The following RHOBTB1 variants were observed in gnomAD, a reference collection of about 807,000 sequenced individuals.
RHOBTB1 encodes the protein rho-related BTB domain-containing protein 1.
Under a neutral mutation model 71.6 loss-of-function variants are expected in RHOBTB1, and 40 were observed. The ratio of observed to expected loss-of-function variants is 0.56; its 90% CI spans 0.43 to 0.73. RHOBTB1 has a LOEUF of 0.73. Among genes scored for constraint, RHOBTB1 ranks in the 30% least tolerant of loss-of-function variants. The probability of loss-of-function intolerance (pLI) is 0.00; values close to 1 mark genes in which losing one functional copy is unlikely to be tolerated. For missense variants in RHOBTB1, 797 were observed against 894.0 expected, an observed-to-expected ratio of 0.89 and a Z score of 1.38; for synonymous variants, 319 against 334.9, an observed-to-expected ratio of 0.95 and a Z score of 0.52.
At chr10:60,916,204 T>C (rs543094101) in intron 2 of RHOBTB1, among the ~76,000 whole-genome samples, 3 of 152,308 alleles carry the variant, frequency 2.0e-5, no homozygotes, top group Non-Finnish European at 4.4e-5. Context: ...GGCCCTGCAG[T>C]TCCACCTTCT....
chr10:60,883,994 C>T (rs143267970), intron 7 of RHOBTB1, among the ~76,000 whole-genome samples: 205 of 152,284 alleles, frequency 1.3e-3, no homozygotes, highest in African/African-American at 4.6e-3. Context: ...GAGAGATTTT[C>T]ATTAGTCACA....
chr10:60,894,555 G>A (rs1393010134), intron 4 of RHOBTB1, among the ~76,000 whole-genome samples: 1 of 152,188 alleles, frequency 6.6e-6, no homozygotes, highest in African/African-American at 2.4e-5. Context: ...ACAGTATCCA[G>A]TAAAGCCAAG....
chr10:60,907,556 G>A (rs2082740280), intron 4 of RHOBTB1, among the ~76,000 whole-genome samples: 1 of 152,206 alleles, frequency 6.6e-6, no homozygotes. Context: ...CCCCAGAGAA[G>A]AGAGGGTTGA....
chr10:60,955,298 C>T (rs544553300), intron 2 of RHOBTB1, among the ~76,000 whole-genome samples: 28 of 152,200 alleles, frequency 1.8e-4, no homozygotes, highest in African/African-American at 6.3e-4. Context: ...GCTTCGGCCT[C>T]CCAAAGTGCT....
chr10:60,925,453 T>C (rs2083814131), intron 2 of RHOBTB1, among the ~76,000 whole-genome samples: 2 of 152,194 alleles, frequency 1.3e-5, no homozygotes, highest in Non-Finnish European at 2.9e-5. Context: ...GGAAAGTTTA[T>C]TGCAATAAAT....
the RHOBTB1 span, among the ~76,000 whole-genome samples, chr10:60,862,119 TCTTCTCTCTCTC>T: frequency 6.6e-6 from 1 of 150,500 alleles, no homozygotes; most frequent in South Asian, 2.1e-4. Context: ...TTCCTCTCTT[TCTTCTCTCTCTC>T]CTTCTCTCTC....
At chr10:60,973,275 T>C (rs886299948) in intron 2 of RHOBTB1, among the ~76,000 whole-genome samples, 1 of 152,024 alleles carries the variant, frequency 6.6e-6, no homozygotes, top group Non-Finnish European at 1.5e-5. Flanking sequence ...TTGCAGAAAA[T>C]GAGATGTTAC....
chr10:60,950,222 A>G (rs1176206667), intron 2 of RHOBTB1, among the ~76,000 whole-genome samples: 2 of 152,240 alleles, frequency 1.3e-5, no homozygotes, highest in African/African-American at 4.8e-5. Context: ...GAAAAAGACA[A>G]CAATTTAATG....
At chr10:60,989,986 T>C (rs572751346) in intron 1 of RHOBTB1, among the ~76,000 whole-genome samples, 25 of 146,232 alleles carry the variant, frequency 1.7e-4, no homozygotes, top group African/African-American at 6.1e-4. Flanking sequence ...TCCTTTTTTT[T>C]TTTTTTTTTT....
chr10:60,927,794 A>T (rs924109238), intron 2 of RHOBTB1, among the ~76,000 whole-genome samples: 1 of 152,202 alleles, frequency 6.6e-6, no homozygotes, highest in Non-Finnish European at 1.5e-5. Flanking sequence ...ACTCTAGGAC[A>T]TTGGGCTGGA....
chr10:60,983,910 G>A (rs545009370), intron 2 of RHOBTB1, among the ~76,000 whole-genome samples: 1 of 152,244 alleles, frequency 6.6e-6, no homozygotes, highest in Non-Finnish European at 1.5e-5. Flanking sequence ...TCCCAGGTAG[G>A]ATAGCAATGA....
At chr10:60,970,367 C>T (rs2086112255) in intron 2 of RHOBTB1, among the ~76,000 whole-genome samples, 1 of 151,952 alleles carries the variant, frequency 6.6e-6, no homozygotes, top group South Asian at 2.1e-4. Flanking sequence ...CTCACTATTC[C>T]ACCCAGAAGT....
the RHOBTB1 span, among the ~76,000 whole-genome samples, chr10:60,863,272 A>G: frequency 6.6e-6 from 1 of 152,134 alleles, no homozygotes; most frequent in Non-Finnish European, 1.5e-5. Flanking sequence ...ATTTGGGGGG[A>G]GTACAAATAA....
intron 4 of RHOBTB1, among the ~76,000 whole-genome samples, chr10:60,905,449 CAAAAA>C (rs35538782): frequency 2.7e-4 from 13 of 48,972 alleles, no homozygotes; most frequent in African/African-American, 7.1e-4. Context: ...GACTCTTTCT[CAAAAA>C]AAAAAAAAAA....
intron 6 of RHOBTB1, 65 bp downstream of exon 6, chr10:60,888,147 G>GTTCT: frequency 6.5e-7 from 1 of 1,530,302 alleles, no homozygotes; most frequent in African/African-American, 1.4e-5. Context: ...TCCTGCTCAT[G>GTTCT]TCTGGCTAAC....
At chr10:60,983,836 C>T (rs772799976) in intron 2 of RHOBTB1, among the ~76,000 whole-genome samples, 2 of 152,202 alleles carry the variant, frequency 1.3e-5, no homozygotes, top group Non-Finnish European at 2.9e-5. Context: ...TTCCCGGCCC[C>T]GCCCTCCTTC....
At chr10:60,905,485 A>C (rs2082631672) in intron 4 of RHOBTB1, among the ~76,000 whole-genome samples, 1 of 150,366 alleles carries the variant, frequency 6.7e-6, no homozygotes, top group Admixed American at 6.6e-5. Flanking sequence ...ATTCAAATTA[A>C]GGCAAAAAAA....
chr10:61,001,500 G>A (rs919143096), upstream of RHOBTB1: 1 of 129,054 alleles, frequency 7.7e-6, no homozygotes, highest in Non-Finnish European at 1.7e-5. Context: ...ACCCCGCCCC[G>A]CCCCGCCGAC....
intron 9 of RHOBTB1, among the ~76,000 whole-genome samples, chr10:60,874,379 C>A (rs2080943472): frequency 6.6e-6 from 1 of 152,192 alleles, no homozygotes; most frequent in South Asian, 2.1e-4. Context: ...AAACTGTCAT[C>A]CCATTTCCTG....
Sources: allele counts gnomAD v4.1 joint callset (sites outside exome capture counted in the v4.1 genomes callset), GRCh38; gene constraint gnomAD v4.1.1; transcripts MANE v1.5; gene names NCBI Gene and HGNC (gene_info 2026-07-23, HGNC 2026-07-21).